The following DNAH11 variants were observed in gnomAD, a reference collection of about 807,000 sequenced individuals.
The protein encoded by DNAH11 is dynein axonemal heavy chain 11.
DNAH11 carries 442 observed loss-of-function variants against 526.0 expected under a neutral mutation model. The observed-to-expected ratio is 0.84, with a 90% confidence interval of 0.78 to 0.91. The LOEUF is 0.91. DNAH11 is among the 40% of genes least tolerant of loss of function. The pLI is 0.00. For synonymous variants in DNAH11, 2,461 were observed against 1,935.9 expected (o/e 1.27, Z -7.12); for missense variants, 6,989 against 5,448.7 (o/e 1.28, Z -8.90).
intron 20 of DNAH11, among the ~76,000 whole-genome samples, chr7:21,614,201 A>G (rs1785662278): frequency 6.6e-6 from 1 of 152,248 alleles, no homozygotes; most frequent in Non-Finnish European, 1.5e-5. Flanking sequence ...GTTCAAAGAA[A>G]CTAAAGTAAT....
intron 79 of DNAH11, among the ~76,000 whole-genome samples, chr7:21,895,651 T>G (rs1321560403): frequency 6.6e-6 from 1 of 152,208 alleles, no homozygotes; most frequent in East Asian, 1.9e-4. Context: ...CCTGAATCAT[T>G]ATTCCATGAA....
intron 2 of DNAH11, among the ~76,000 whole-genome samples, chr7:21,556,643 G>T (rs767805333): frequency 6.6e-6 from 1 of 152,220 alleles, no homozygotes; most frequent in South Asian, 2.1e-4. Flanking sequence ...CATAGTATCC[G>T]ATAGGCAGTT....
intron 35 of DNAH11, among the ~76,000 whole-genome samples, chr7:21,691,460 C>T (rs1392698452): frequency 2.0e-5 from 3 of 151,986 alleles, no homozygotes; most frequent in Admixed American, 6.5e-5. Flanking sequence ...TCGTTCAAAT[C>T]TGACGGGCAA....
chr7:21,880,348 G>A (rs1451307579), intron 74 of DNAH11, among the ~76,000 whole-genome samples: 16 of 152,162 alleles, frequency 1.1e-4, no homozygotes, highest in Non-Finnish European at 1.9e-4. Context: ...CTACTACAGT[G>A]ATGAAATGAA....
At position 21,683,907 on chromosome 7, in the gene DNAH11, A is replaced by G. The variant is rs769076802; in HGVS notation, c.5584A>G (p.Asn1862Asp). Residue 1862 changes from asparagine (N) to aspartate (D), a missense_variant, in exon 32 of 82, where the codon AAC becomes GAC. Asn to Asp is a conservative substitution (Grantham distance 23, BLOSUM62 1). Transcript: ENST00000409508. ...CCAGTACTTCTATGAATACTTAGGA[A>G]ACAGCCCTCGACTAGTGATCACTCC... The part of the protein sequence containing the change: ...QFQYFYEYLG[N>D]SPRLVITPLT... 6.8e-6 allele frequency: 11 copies of G among 1,613,648 alleles called. No homozygotes were observed. Among genetic ancestry groups the G allele is most frequent in the Middle Eastern group, 1.6e-4 (1 of 6,084 alleles).
chr7:21,710,878 A>G (rs1356260009), intron 41 of DNAH11, among the ~76,000 whole-genome samples, 175 bp downstream of exon 41: 1 of 152,202 alleles, frequency 6.6e-6, no homozygotes, highest in African/African-American at 2.4e-5. Context: ...CCATTAAAGA[A>G]TTTCAAGGAA....
chr7:21,619,004 G>T (rs1197780769), intron 23 of DNAH11, 96 bp from the exon 24 acceptor site: 33 of 1,491,866 alleles, frequency 2.2e-5, no homozygotes, highest in Non-Finnish European at 3.0e-5. Context: ...CCTGACTTGA[G>T]TATATTTTAG....
chr7:21,705,626 A>T (rs1381279433), intron 39 of DNAH11, 89 bp downstream of exon 39: 3 of 1,258,840 alleles, frequency 2.4e-6, no homozygotes, highest in Non-Finnish European at 3.4e-6. Flanking sequence ...ACTCAAAAGA[A>T]TTCCCCTCCA....
intron 62 of DNAH11, among the ~76,000 whole-genome samples, chr7:21,807,402 A>C (rs78076606): frequency 0.14 from 20,677 of 152,180 alleles, 2,043 homozygotes; most frequent in African/African-American, 0.27. Context: ...GAGAGGCTGA[A>C]GTGAGAAGAT....
At chr7:21,684,795 C>G (rs1042846001) in intron 32 of DNAH11, among the ~76,000 whole-genome samples, 1 of 152,178 alleles carries the variant, frequency 6.6e-6, no homozygotes, top group Non-Finnish European at 1.5e-5. Context: ...CAGAATATTG[C>G]GGAGATAAGA....
intron 73 of DNAH11, among the ~76,000 whole-genome samples, chr7:21,872,144 A>AAAAAAAAAAAAAC: frequency 7.3e-6 from 1 of 136,958 alleles, no homozygotes; most frequent in Non-Finnish European, 1.6e-5. Context: ...AAAAAAAAAA[A>AAAAAAAAAAAAAC]AAAAACCTTC....
intron 7 of DNAH11, among the ~76,000 whole-genome samples, chr7:21,571,463 A>G (rs1562669119): frequency 6.6e-6 from 1 of 152,152 alleles, no homozygotes; most frequent in East Asian, 1.9e-4. Flanking sequence ...AATGTTTCAT[A>G]GAGACAGGAT....
chr7:21,590,793 A>G (rs745984262), intron 12 of DNAH11, 125 bp from the exon 13 acceptor site: 51 of 592,688 alleles, frequency 8.6e-5, no homozygotes, highest in East Asian at 1.1e-4. Context: ...ACAAAAGTCT[A>G]TTTACCTTGA....
At chr7:21,864,317 G>C (rs1468851562) in intron 69 of DNAH11, among the ~76,000 whole-genome samples, 2 of 152,146 alleles carry the variant, frequency 1.3e-5, no homozygotes, top group African/African-American at 4.8e-5. Flanking sequence ...GAATAAATCA[G>C]CCTTCATAAT....
intron 9 of DNAH11, among the ~76,000 whole-genome samples, chr7:21,587,165 T>A (rs749383258): frequency 6.6e-6 from 1 of 152,158 alleles, no homozygotes; most frequent in African/African-American, 2.4e-5. Context: ...AGAATCCACA[T>A]TGGGTAGTAA....
chr7:21,662,995 C>G (rs1327745295), intron 30 of DNAH11, among the ~76,000 whole-genome samples: 2 of 152,018 alleles, frequency 1.3e-5, no homozygotes, highest in Admixed American at 1.3e-4. Context: ...CTAATGATTC[C>G]CAGTCTCCGT....
chr7:21,777,246 G>T (rs1787718123), intron 56 of DNAH11, among the ~76,000 whole-genome samples: 1 of 152,126 alleles, frequency 6.6e-6, no homozygotes, highest in Non-Finnish European at 1.5e-5. Context: ...CCGAGGTATT[G>T]GGTGTATCCA....
At chr7:21,757,640 G>A (rs1008231926) in intron 54 of DNAH11, among the ~76,000 whole-genome samples, 6 of 152,064 alleles carry the variant, frequency 3.9e-5, no homozygotes, top group Non-Finnish European at 5.9e-5. Flanking sequence ...CTCCACTTAG[G>A]TTTCTTTCCT....
At chr7:21,682,837 A>G (rs2128472737) in intron 31 of DNAH11, among the ~76,000 whole-genome samples, 1 of 152,332 alleles carries the variant, frequency 6.6e-6, no homozygotes, top group East Asian at 1.9e-4. Flanking sequence ...CATATGAACC[A>G]TAAACATATA....
Sources: gnomAD v4.1 joint callset for allele counts (sites outside exome capture counted in the v4.1 genomes callset) on GRCh38, gnomAD v4.1.1 for gene constraint, MANE v1.5 for transcripts, NCBI Gene and HGNC (gene_info 2026-07-23, HGNC 2026-07-21) for gene names.